UQCC1: variants seen among roughly 807,000 people sequenced by gnomAD.
The protein encoded by UQCC1 is ubiquinol-cytochrome c reductase complex assembly factor 1.
Under a neutral mutation model 48.0 loss-of-function variants are expected in UQCC1, and 38 were observed. The ratio of observed to expected loss-of-function variants is 0.79; its 90% CI spans 0.61 to 1.04. The LOEUF (loss-of-function observed/expected upper bound fraction) is 1.04. UQCC1 is among the 50% of genes least tolerant of loss of function. The pLI is 0.00. For synonymous variants in UQCC1, 111 were observed against 129.2 expected (o/e 0.86, Z 0.95); for missense variants, 368 against 381.8 (o/e 0.96, Z 0.30).
chr20:35,333,431 T>C (rs1359052101), intron 7 of UQCC1, among the ~76,000 whole-genome samples: 1 of 152,134 alleles, frequency 6.6e-6, no homozygotes, highest in Non-Finnish European at 1.5e-5. Flanking sequence ...AATATCTAAA[T>C]AAGGGAAGCG....
chr20:35,370,649 A>G (rs1227538203), intron 5 of UQCC1, among the ~76,000 whole-genome samples: 1 of 152,218 alleles, frequency 6.6e-6, no homozygotes, highest in Non-Finnish European at 1.5e-5. Flanking sequence ...TTACTAAAAA[A>G]TTTACTTTCT....
chr20:35,407,054 T>TA (rs2062261942), intron 1 of UQCC1, among the ~76,000 whole-genome samples: 1 of 152,146 alleles, frequency 6.6e-6, no homozygotes, highest in Non-Finnish European at 1.5e-5. Flanking sequence ...CCTAAAATGA[T>TA]ACAACTTTCA....
chr20:35,303,838 G>C lies in UQCC1; in HGVS notation c.*97C>G, dbSNP rs2060896565. ...TTTGACAGATGCTGTTCAGAGGTCA[G>C]TTCAGGCCACTTTCTGCAGGGTCCT... On this transcript the variant is annotated 3_prime_UTR_variant, in exon 10 of 10. Transcript: ENST00000374385. 6.4e-7 allele frequency: 1 copy of C among 1,560,218 alleles called. No homozygotes were observed. Among genetic ancestry groups the C allele is most frequent in the Admixed American group, 1.7e-5 (1 of 58,878 alleles).
In UQCC1 at chr20:35,369,926, T is replaced by C. The variant is rs1330851523; in HGVS notation, c.407-3312A>G. Among the ~76,000 whole-genome samples the C allele has an allele frequency of 5.9e-5, 9 of 152,234 alleles. No individual in the cohort carries two copies. In the East Asian group the frequency reaches 1.7e-3, roughly 29 times the overall value. ...TCCAAGGCCTCCAGTCTCTTAAGGG[T>C]TAAAGACAAAGCAGTCTGCAGACAA... On this transcript the variant is annotated intron_variant, in intron 5 of 9. Coordinates refer to ENST00000374385, the MANE Select transcript of UQCC1 (RefSeq NM_018244.5).
At chr20:35,371,878 T>C (rs2061736865) in intron 5 of UQCC1, among the ~76,000 whole-genome samples, 2 of 151,372 alleles carry the variant, frequency 1.3e-5, no homozygotes, top group South Asian at 4.2e-4. Context: ...GACCCAGGCA[T>C]AATGGCATGT....
intron 7 of UQCC1, among the ~76,000 whole-genome samples, chr20:35,323,410 A>G (rs1427856820): frequency 6.6e-6 from 1 of 152,272 alleles, no homozygotes; most frequent in East Asian, 1.9e-4. Flanking sequence ...TAGATGTAAT[A>G]GCATCCCAGA....
intron 1 of UQCC1, among the ~76,000 whole-genome samples, chr20:35,410,716 A>AAAAAAAACAAAAAAAAC (rs1555820308): frequency 3.7e-5 from 4 of 108,766 alleles, no homozygotes; most frequent in East Asian, 3.0e-4. Flanking sequence ...AAAAAAAAAA[A>AAAAAAAACAAAAAAAAC]AAAAAAAACA....
At chr20:35,385,587 C>T (rs2061932258) in intron 2 of UQCC1, among the ~76,000 whole-genome samples, 1 of 152,124 alleles carries the variant, frequency 6.6e-6, no homozygotes, top group Admixed American at 6.5e-5. Context: ...CTGCAACCTC[C>T]ACCTCCCCGG....
At chr20:35,320,717 G>A (rs986321227) in intron 7 of UQCC1, among the ~76,000 whole-genome samples, 1 of 152,180 alleles carries the variant, frequency 6.6e-6, no homozygotes, top group Non-Finnish European at 1.5e-5. Context: ...TATGGTGGGG[G>A]AATGGGAAAA....
rs2060889305 is a variant in UQCC1 at position 35,303,231 on chromosome 20, A to G, written c.*704T>C. On this transcript the variant is annotated 3_prime_UTR_variant, in exon 10 of 10. Transcript: ENST00000374385. ...CCTTCCAAATGACTTAGGATGTGAA[A>G]GCCCTTGGTCATCAGAGGCCTCCTG... is the stretch of plus-strand genomic sequence containing the variant. 6.6e-6 allele frequency: 1 copy of G among 152,240 alleles called. No homozygotes were observed. The highest frequency in any genetic ancestry group is 6.5e-5 in the Admixed American group (1 of 15,280). The allele number at this position is 152,240 out of a possible 1,614,324, so 9.4% of individuals were successfully genotyped here.
intron 8 of UQCC1, among the ~76,000 whole-genome samples, chr20:35,310,129 GT>G (rs1190858454): frequency 6.6e-6 from 1 of 152,180 alleles, no homozygotes; most frequent in Non-Finnish European, 1.5e-5. Context: ...TCTGCTACTT[GT>G]TTACTATGTC....
chr20:35,304,079 G>A lies in UQCC1; in HGVS notation c.766-10C>T, dbSNP rs1159334395. On this transcript the variant is annotated splice_polypyrimidine_tract_variant and intron_variant, in intron 9 of 9. Transcript: ENST00000374385. ...AGTCCAGGTACTGTATCTGCAACCA[G>A]GGGAGGGGGAAGGAGGAAGCGACAG... 5.6e-6 allele frequency: 9 copies of A among 1,613,904 alleles called. No homozygotes were observed. Among genetic ancestry groups the A allele is most frequent in the Non-Finnish European group, 7.6e-6 (9 of 1,179,854 alleles).
intron 7 of UQCC1, among the ~76,000 whole-genome samples, chr20:35,340,296 G>A (rs546204385): frequency 6.6e-6 from 1 of 152,304 alleles, no homozygotes; most frequent in Admixed American, 6.5e-5. Flanking sequence ...AGACGTACAT[G>A]TTCAGTAGGA....
At chr20:35,356,331 A>C (rs2146413105) in intron 6 of UQCC1, among the ~76,000 whole-genome samples, 1 of 152,368 alleles carries the variant, frequency 6.6e-6, no homozygotes, top group Middle Eastern at 3.4e-3. Context: ...GAGATAATAG[A>C]TTACTACTAA....
chr20:35,316,749 C>T lies in UQCC1; in HGVS notation c.574-1984G>A, dbSNP rs2061063864. 2.0e-5 allele frequency among the ~76,000 whole-genome samples: 3 copies of T among 152,036 alleles called. No individual in the cohort carries two copies. The South Asian group carries it at 6.2e-4, about 32-fold the overall frequency. On this transcript the variant is annotated intron_variant, in intron 7 of 9. Coordinates refer to ENST00000374385, the MANE Select transcript of UQCC1 (RefSeq NM_018244.5). ...CGCCTCCCGGGTTCACAGCATTCTC[C>T]TGCCTCAGCCTCCCAAGTAGCTGGG...
chr20:35,307,350 G>A (rs2060941195), intron 8 of UQCC1, among the ~76,000 whole-genome samples: 1 of 152,334 alleles, frequency 6.6e-6, no homozygotes, highest in African/African-American at 2.4e-5. Context: ...AGGGGAACAG[G>A]ATGTTCAGCA....
In UQCC1 at chr20:35,374,185, TAGAA is replaced by T. The variant is rs1446966119; in HGVS notation, c.401_404del (p.Phe134Ter). On this transcript the variant is annotated frameshift_variant and splice_region_variant, in exon 5 of 10. Transcript: ENST00000374385. LOFTEE classifies it high-confidence loss of function. ...CAGTACTATCAAACAATAACTTACT[TAGAA>T]AGAATTCCTCGAAGTCAGTTTTCTC... The T allele has an allele frequency of 2.5e-6, 4 of 1,609,858 alleles. No homozygotes were observed. The highest frequency in any genetic ancestry group is 2.7e-5 in the African/African-American group (2 of 74,798).
intron 9 of UQCC1, among the ~76,000 whole-genome samples, chr20:35,305,094 T>C (rs1433972848): frequency 6.6e-6 from 1 of 152,222 alleles, no homozygotes; most frequent in Non-Finnish European, 1.5e-5. Context: ...CCTTCAGCAC[T>C]CTGCCCTCCC....
intron 8 of UQCC1, chr20:35,309,320 T>C (rs1218061318): frequency 2.6e-6 from 1 of 384,606 alleles, no homozygotes; most frequent in East Asian, 7.7e-5. Context: ...TAGTCCCAGC[T>C]ACTCGGGAGG....
Sources: allele counts gnomAD v4.1 joint callset (sites outside exome capture counted in the v4.1 genomes callset), GRCh38; gene constraint gnomAD v4.1.1; transcripts MANE v1.5; gene names NCBI Gene and HGNC (gene_info 2026-07-23, HGNC 2026-07-21).